LINGO2: variants seen among roughly 807,000 people sequenced by gnomAD.
LINGO2 encodes leucine-rich repeat and immunoglobulin-like domain-containing nogo receptor-interacting protein 2.
Under a neutral mutation model 30.6 loss-of-function variants are expected in LINGO2, and 14 were observed. That is an observed-to-expected ratio of 0.46 (90% CI 0.30 to 0.72). The LOEUF (loss-of-function observed/expected upper bound fraction) is 0.72. LINGO2 is among the 30% of genes least tolerant of loss of function. The pLI is 0.07. For synonymous variants in LINGO2, 317 were observed against 288.5 expected, an observed-to-expected ratio of 1.10 and a Z score of -1.00; for missense variants, 729 against 751.7, an observed-to-expected ratio of 0.97 and a Z score of 0.35.
chr9:28,139,956 C>T (rs145897100), intron 4 of LINGO2, among the ~76,000 whole-genome samples: 7 of 152,250 alleles, frequency 4.6e-5, no homozygotes, highest in South Asian at 4.1e-4. Context: ...CTTACAAGCA[C>T]GCCTTTTAAT....
chr9:28,678,153 A>AC, the LINGO2 span, among the ~76,000 whole-genome samples: 17 of 151,392 alleles, frequency 1.1e-4, no homozygotes, highest in South Asian at 2.1e-4. Context: ...TAAAAAAAAA[A>AC]AAAAAACTTT....
intron 1 of LINGO2, among the ~76,000 whole-genome samples, chr9:28,666,465 A>C (rs1247423014): frequency 6.6e-6 from 1 of 152,130 alleles, no homozygotes; most frequent in Non-Finnish European, 1.5e-5. Flanking sequence ...TAAGTAAAAT[A>C]CCCATAAAAT....
chr9:29,031,243 A>G, the LINGO2 span, among the ~76,000 whole-genome samples: 573 of 134,870 alleles, frequency 4.2e-3, 5 homozygotes, highest in African/African-American at 0.015. Flanking sequence ...ACATAGTAAC[A>G]AAGTGGTGGT....
upstream of LINGO2, among the ~76,000 whole-genome samples, chr9:28,672,029 C>T (rs993085491): frequency 6.6e-6 from 1 of 152,072 alleles, no homozygotes; most frequent in South Asian, 2.1e-4. Flanking sequence ...TATTATAACT[C>T]ACTTTGAGGA....
the LINGO2 span, among the ~76,000 whole-genome samples, chr9:29,091,445 GA>G: frequency 6.6e-6 from 1 of 151,950 alleles, no homozygotes; most frequent in African/African-American, 2.4e-5. Flanking sequence ...TACAAGAGTA[GA>G]AAAACAGAAT....
At position 28,100,944 on chromosome 9, in the gene LINGO2, C is replaced by T. The variant is rs146949821; in HGVS notation, c.-86-88539G>A. On this transcript the variant is annotated intron_variant, in intron 4 of 5. Coordinates refer to ENST00000379992, the Ensembl canonical transcript of LINGO2. Reference sequence around the variant, plus strand: ...AGTGTATTTTAGAGGGTCATTGCATCGGTCAATATATGAGTAAATGAAGAT... The same window carrying T: ...AGTGTATTTTAGAGGGTCATTGCATTGGTCAATATATGAGTAAATGAAGAT... Among the ~76,000 whole-genome samples, 18 of 152,112 alleles carry T rather than the reference C, an allele frequency of 1.2e-4. No individual in the cohort carries two copies. In the South Asian group the frequency reaches 1.9e-3, roughly 16 times the overall value.
the LINGO2 span, among the ~76,000 whole-genome samples, chr9:28,883,978 A>T: frequency 6.6e-6 from 1 of 151,752 alleles, no homozygotes; most frequent in Non-Finnish European, 1.5e-5. Flanking sequence ...GCGCCCGGCT[A>T]GAATATGTTA....
intron 1 of LINGO2, among the ~76,000 whole-genome samples, chr9:28,541,571 G>A (rs1262747825): frequency 6.6e-6 from 1 of 152,154 alleles, no homozygotes; most frequent in African/African-American, 2.4e-5. Flanking sequence ...GAGCTATTAA[G>A]AGGTCTGGGA....
chr9:28,771,299 T>G, the LINGO2 span, among the ~76,000 whole-genome samples: 1 of 152,030 alleles, frequency 6.6e-6, no homozygotes, highest in Non-Finnish European at 1.5e-5. Flanking sequence ...TAACTTCAAT[T>G]GAAAGAAATG....
chr9:28,526,055 CAAA>C (rs58629857), intron 1 of LINGO2, among the ~76,000 whole-genome samples: 561 of 48,490 alleles, frequency 0.012, 6 homozygotes, highest in African/African-American at 0.038. Context: ...GACTCCGTCT[CAAA>C]AAAAAAAAAA....
chr9:28,696,178 T>C, the LINGO2 span, among the ~76,000 whole-genome samples: 4 of 151,932 alleles, frequency 2.6e-5, no homozygotes, highest in African/African-American at 4.8e-5. Context: ...CTGTTGTCAG[T>C]TGGCTATTAA....
chr9:28,822,764 T>C, the LINGO2 span, among the ~76,000 whole-genome samples: 1 of 152,098 alleles, frequency 6.6e-6, no homozygotes, highest in African/African-American at 2.4e-5. Flanking sequence ...ACCTTGAGGT[T>C]ATGTGAATGA....
At chr9:28,157,520 G>A (rs1828166387) in intron 4 of LINGO2, among the ~76,000 whole-genome samples, 1 of 152,196 alleles carries the variant, frequency 6.6e-6, no homozygotes, top group Non-Finnish European at 1.5e-5. Context: ...TTTCCCCATT[G>A]TATTGGGGAT....
intron 4 of LINGO2, among the ~76,000 whole-genome samples, chr9:28,217,887 T>C (rs528517101): frequency 6.6e-6 from 1 of 152,002 alleles, no homozygotes; most frequent in East Asian, 1.9e-4. Context: ...TTTGCAGAAA[T>C]AAGGTACCTA....
At chr9:28,860,771 G>T in the LINGO2 span, among the ~76,000 whole-genome samples, 1 of 149,058 alleles carries the variant, frequency 6.7e-6, no homozygotes, top group South Asian at 2.1e-4. Flanking sequence ...TATAGTCAAT[G>T]ATGATGCAAA....
At chr9:28,796,520 T>C in the LINGO2 span, among the ~76,000 whole-genome samples, 5 of 152,060 alleles carry the variant, frequency 3.3e-5, no homozygotes, top group African/African-American at 1.2e-4. Flanking sequence ...TGACGAAAAT[T>C]AGCTAAATGG....
the LINGO2 span, among the ~76,000 whole-genome samples, chr9:28,945,283 A>G: frequency 6.6e-6 from 1 of 152,234 alleles, no homozygotes; most frequent in Admixed American, 6.5e-5. Context: ...TATGAAAGCA[A>G]CTGGTTATTA....
chr9:27,981,493 T>C (rs1257855540), intron 5 of LINGO2, among the ~76,000 whole-genome samples: 1 of 137,932 alleles, frequency 7.2e-6, no homozygotes, highest in Non-Finnish European at 1.6e-5. Flanking sequence ...TATGGTTTTG[T>C]TTGAATGGAG....
At chr9:28,854,354 A>G in the LINGO2 span, among the ~76,000 whole-genome samples, 1 of 152,016 alleles carries the variant, frequency 6.6e-6, no homozygotes, top group African/African-American at 2.4e-5. Context: ...TTGAATGCTA[A>G]GTTATAGAAA....
Sources: allele counts gnomAD v4.1 joint callset (sites outside exome capture counted in the v4.1 genomes callset), GRCh38; gene constraint gnomAD v4.1.1; transcripts MANE v1.5; gene names NCBI Gene and HGNC (gene_info 2026-07-23, HGNC 2026-07-21).